ARK2N: variants seen among roughly 807,000 people sequenced by gnomAD.
ARK2N encodes protein ARK2N.
the ARK2N span, among the ~76,000 whole-genome samples, chr18:46,208,041 C>T: frequency 6.6e-6 from 1 of 152,204 alleles, no homozygotes; most frequent in Non-Finnish European, 1.5e-5. Flanking sequence ...CTTCTCTGCA[C>T]TTGTATTTAT....
chr18:46,193,157 ACT>A, the ARK2N span, among the ~76,000 whole-genome samples: 1 of 151,964 alleles, frequency 6.6e-6, no homozygotes, highest in Non-Finnish European at 1.5e-5. Flanking sequence ...ACAGAGTGAG[ACT>A]CTGTCTCAAA....
the ARK2N span, among the ~76,000 whole-genome samples, chr18:46,211,933 A>AT: frequency 4.6e-5 from 7 of 152,038 alleles, no homozygotes; most frequent in African/African-American, 1.2e-4. Context: ...AGAAAAACCT[A>AT]TTTTTTTCCC....
the ARK2N span, chr18:46,265,214 A>C: frequency 0.088 from 13,462 of 152,774 alleles, 767 homozygotes; most frequent in Non-Finnish European, 0.12. Context: ...AGAGAAGAGA[A>C]TAGAGTGGAT....
At chr18:46,180,393 G>T in the ARK2N span, among the ~76,000 whole-genome samples, 1 of 152,178 alleles carries the variant, frequency 6.6e-6, no homozygotes, top group Non-Finnish European at 1.5e-5. Context: ...TACATGCCAG[G>T]TGGTAATGGG....
the ARK2N span, among the ~76,000 whole-genome samples, chr18:46,228,259 G>T: frequency 1.0e-3 from 156 of 152,110 alleles, no homozygotes; most frequent in African/African-American, 3.6e-3. Flanking sequence ...TATTAGACAT[G>T]GATTTTTAGA....
the ARK2N span, among the ~76,000 whole-genome samples, chr18:46,261,278 A>G: frequency 6.6e-6 from 1 of 152,244 alleles, no homozygotes; most frequent in Admixed American, 6.5e-5. Context: ...TTGGACCCAA[A>G]ATCAGACCTG....
At chr18:46,248,709 G>A in the ARK2N span, among the ~76,000 whole-genome samples, 44 of 152,090 alleles carry the variant, frequency 2.9e-4, 1 homozygote, top group Admixed American at 4.6e-4. Context: ...CTCAGCATCC[G>A]GAGTAGCAGG....
chr18:46,215,117 G>C, the ARK2N span, among the ~76,000 whole-genome samples: 10 of 152,126 alleles, frequency 6.6e-5, no homozygotes, highest in Non-Finnish European at 1.5e-4. Context: ...TCAGGAGTTC[G>C]AGACCAGCCT....
chr18:46,200,985 T>C, the ARK2N span, among the ~76,000 whole-genome samples: 2 of 140,410 alleles, frequency 1.4e-5, no homozygotes, highest in South Asian at 2.1e-4. Flanking sequence ...TTTTCTTTTT[T>C]TTTTTTTTTT....
chr18:46,253,179 A>G, the ARK2N span, among the ~76,000 whole-genome samples: 1 of 152,234 alleles, frequency 6.6e-6, no homozygotes, highest in Non-Finnish European at 1.5e-5. Flanking sequence ...AAAGCATCTC[A>G]GTATAAATAT....
At chr18:46,179,935 T>G in the ARK2N span, among the ~76,000 whole-genome samples, 2 of 152,216 alleles carry the variant, frequency 1.3e-5, no homozygotes, top group Admixed American at 6.6e-5. Context: ...TAAAGTTCTC[T>G]TCTATATTCC....
At chr18:46,255,069 G>GA in the ARK2N span, among the ~76,000 whole-genome samples, 2 of 152,138 alleles carry the variant, frequency 1.3e-5, no homozygotes, top group Non-Finnish European at 2.9e-5. Context: ...TGGTTACCCA[G>GA]GTAATAAAAC....
chr18:46,246,429 C>G, the ARK2N span, among the ~76,000 whole-genome samples: 1,407 of 152,270 alleles, frequency 9.2e-3, 30 homozygotes, highest in African/African-American at 0.032. Flanking sequence ...TTTGGTGTCT[C>G]TTGTAGAGCA....
chr18:46,216,678 A>G, the ARK2N span: 1 of 1,255,620 alleles, frequency 8.0e-7, no homozygotes, highest in African/African-American at 1.5e-5. This position sits in a 1 kb window ranked among gnomAD's most constrained non-coding sequence, Gnocchi z 4.3. Flanking sequence ...GTGACACTTG[A>G]AAAAATCCAG....
At chr18:46,215,457 T>C in the ARK2N span, among the ~76,000 whole-genome samples, 1 of 152,216 alleles carries the variant, frequency 6.6e-6, no homozygotes, top group Non-Finnish European at 1.5e-5. Flanking sequence ...TTTAAAGCAT[T>C]CTTTTTCATT....
the ARK2N span, among the ~76,000 whole-genome samples, chr18:46,245,735 G>A: frequency 6.6e-6 from 1 of 152,174 alleles, no homozygotes; most frequent in East Asian, 1.9e-4. Flanking sequence ...CAAAGCTCAG[G>A]CCTAGTTCTT....
chr18:46,228,548 A>G, the ARK2N span, among the ~76,000 whole-genome samples: 1 of 152,158 alleles, frequency 6.6e-6, no homozygotes, highest in African/African-American at 2.4e-5. Context: ...GCCTTTAAGA[A>G]AAAAATTTCA....
At chr18:46,264,079 C>T in the ARK2N span, 2 of 152,462 alleles carry the variant, frequency 1.3e-5, no homozygotes, top group Non-Finnish European at 2.9e-5. Context: ...AACTGTTTAA[C>T]ATCCGAGATG....
chr18:46,180,361 A>G, the ARK2N span, among the ~76,000 whole-genome samples: 1 of 152,240 alleles, frequency 6.6e-6, no homozygotes, highest in African/African-American at 2.4e-5. Context: ...TGGTTAAATT[A>G]AAAACCCATT....
Sources: allele counts gnomAD v4.1 joint callset (sites outside exome capture counted in the v4.1 genomes callset), GRCh38; gene constraint gnomAD v4.1.1; non-coding constraint Gnocchi (gnomAD v3.1); transcripts MANE v1.5; gene names NCBI Gene and HGNC (gene_info 2026-07-23, HGNC 2026-07-21).